The following TACR1 variants were observed in gnomAD, a reference collection of about 807,000 sequenced individuals.
The protein encoded by TACR1 is tachykinin receptor 1, also known as substance-P receptor.
TACR1 carries 25 observed loss-of-function variants against 35.8 expected under a neutral mutation model. That is an observed-to-expected ratio of 0.70 (90% confidence interval 0.51 to 0.98). TACR1 has a LOEUF of 0.98. Among genes scored for constraint, TACR1 ranks in the 50% least tolerant of loss-of-function variants. The probability of loss-of-function intolerance (pLI) is 0.00; values close to 1 mark genes in which losing one functional copy is unlikely to be tolerated. For missense variants in TACR1, 478 were observed against 522.9 expected (o/e 0.91, Z 0.84); for synonymous variants, 195 against 206.7 (o/e 0.94, Z 0.48).
chr2:75,144,277 G>C (rs1674463694), intron 1 of TACR1, among the ~76,000 whole-genome samples: 1 of 152,202 alleles, frequency 6.6e-6, no homozygotes, highest in African/African-American at 2.4e-5. Context: ...CTGAGATAAA[G>C]TGGACTTCAC....
At chr2:75,096,296 C>G (rs1673423440) in intron 2 of TACR1, among the ~76,000 whole-genome samples, 1 of 152,172 alleles carries the variant, frequency 6.6e-6, no homozygotes, top group Non-Finnish European at 1.5e-5. Context: ...AAGCAGGGCC[C>G]CTCTGCTCTC....
chr2:75,172,659 G>A (rs955087750), intron 1 of TACR1, among the ~76,000 whole-genome samples: 13 of 152,142 alleles, frequency 8.5e-5, no homozygotes, highest in African/African-American at 2.7e-4. Context: ...ATATTCTTCT[G>A]GTCACCTCAG....
chr2:75,180,275 A>G (rs1245361893), intron 1 of TACR1, among the ~76,000 whole-genome samples: 1 of 152,232 alleles, frequency 6.6e-6, no homozygotes, highest in Non-Finnish European at 1.5e-5. Context: ...ATGGAGAATA[A>G]GGGCTCTTAT....
chr2:75,160,364 CTTTG>C (rs1014499469), intron 1 of TACR1, among the ~76,000 whole-genome samples: 9 of 151,892 alleles, frequency 5.9e-5, no homozygotes, highest in East Asian at 1.9e-4. Context: ...ACAAATAAAT[CTTTG>C]TTTGATTTAT....
At chr2:75,105,466 A>T (rs1300279504) in intron 2 of TACR1, among the ~76,000 whole-genome samples, 1 of 152,064 alleles carries the variant, frequency 6.6e-6, no homozygotes, top group Non-Finnish European at 1.5e-5. Flanking sequence ...TAACATAATG[A>T]CTATAGTTAA....
intron 2 of TACR1, among the ~76,000 whole-genome samples, chr2:75,102,460 T>C (rs1673557970): frequency 6.6e-6 from 1 of 152,242 alleles, no homozygotes; most frequent in African/African-American, 2.4e-5. Flanking sequence ...GTAAATTTTT[T>C]TTTTCAGATC....
chr2:75,097,785 G>A (rs184654309), intron 2 of TACR1, among the ~76,000 whole-genome samples: 2 of 152,154 alleles, frequency 1.3e-5, no homozygotes, highest in African/African-American at 4.8e-5. Flanking sequence ...TCCTCCCTAG[G>A]GATCTGCATT....
At chr2:75,131,415 C>G (rs1674175764) in intron 1 of TACR1, among the ~76,000 whole-genome samples, 1 of 152,098 alleles carries the variant, frequency 6.6e-6, no homozygotes, top group Non-Finnish European at 1.5e-5. Flanking sequence ...TTAAAAAATT[C>G]AACTCATAGA....
chr2:75,097,596 CTG>C (rs1673449221), intron 2 of TACR1, among the ~76,000 whole-genome samples: 1 of 152,170 alleles, frequency 6.6e-6, no homozygotes, highest in African/African-American at 2.4e-5. Flanking sequence ...TCACAGAAGA[CTG>C]TGGGAGGCTA....
Position 75,198,593 on chromosome 2 carries a change from G to C in TACR1, c.342C>G (p.Ala114=), listed in dbSNP as rs755799710. ...TGGAGTAGATACTGGCGAAGACAGC[G>C]GCGATGGGAAAGAAGTTGTGGAACT... ...YCKFHNFFPI[A]AVFASIYSMT... Residue 114 remains alanine (A), a synonymous_variant, in exon 1 of 5, where the codon GCC becomes GCG. Transcript: ENST00000305249. 6.2e-7 allele frequency: 1 copy of C among 1,614,202 alleles called. No homozygotes were observed. The highest frequency in any genetic ancestry group is 1.7e-5 in the Admixed American group (1 of 60,026).
At chr2:75,181,465 T>C (rs556895638) in intron 1 of TACR1, among the ~76,000 whole-genome samples, 1 of 152,356 alleles carries the variant, frequency 6.6e-6, no homozygotes, top group East Asian at 1.9e-4. Flanking sequence ...TCTTTCCCCA[T>C]ATAAAATGAG....
chr2:75,141,046 G>A (rs13031966), intron 1 of TACR1, among the ~76,000 whole-genome samples: 1 of 151,924 alleles, frequency 6.6e-6, no homozygotes, highest in Non-Finnish European at 1.5e-5. Context: ...TTCCATAAAA[G>A]CTGGTGAGTC....
intron 1 of TACR1, among the ~76,000 whole-genome samples, chr2:75,166,683 G>C (rs1675150584): frequency 6.6e-6 from 1 of 152,206 alleles, no homozygotes; most frequent in South Asian, 2.1e-4. Flanking sequence ...GCAAGTGAGT[G>C]GGCTAGAGAT....
chr2:75,112,873 C>A (rs1330328633), intron 2 of TACR1, among the ~76,000 whole-genome samples: 1 of 152,090 alleles, frequency 6.6e-6, no homozygotes, highest in East Asian at 1.9e-4. Flanking sequence ...CATAACATTA[C>A]TGTTTCAATA....
chr2:75,134,931 T>A (rs1674249928), intron 1 of TACR1, among the ~76,000 whole-genome samples: 1 of 152,226 alleles, frequency 6.6e-6, no homozygotes, highest in Non-Finnish European at 1.5e-5. Context: ...AGGCCTCTGC[T>A]GGTGAAGTGC....
At chr2:75,097,237 GT>G (rs533080344) in intron 2 of TACR1, among the ~76,000 whole-genome samples, 2 of 151,776 alleles carry the variant, frequency 1.3e-5, no homozygotes, top group African/African-American at 2.4e-5. Context: ...ATAGCGAAGT[GT>G]TTTTTTTCAG....
chr2:75,101,293 A>G (rs1421107082), intron 2 of TACR1, among the ~76,000 whole-genome samples: 63 of 152,208 alleles, frequency 4.1e-4, no homozygotes, highest in Admixed American at 4.1e-3. Context: ...CATCTTTTTA[A>G]TAAGTCCTCT....
chr2:75,145,734 C>T (rs957807528), intron 1 of TACR1, among the ~76,000 whole-genome samples: 7 of 152,304 alleles, frequency 4.6e-5, no homozygotes, highest in African/African-American at 1.4e-4. Flanking sequence ...AGCAAAGAAG[C>T]ATTACATGCT....
At chr2:75,062,607 A>G (rs1446052436) in intron 2 of TACR1, among the ~76,000 whole-genome samples, 1 of 152,220 alleles carries the variant, frequency 6.6e-6, no homozygotes, top group East Asian at 1.9e-4. Flanking sequence ...TATTTAAGCG[A>G]TACTTTAATT....
Sources: gnomAD v4.1 joint callset for allele counts (sites outside exome capture counted in the v4.1 genomes callset) on GRCh38, gnomAD v4.1.1 for gene constraint, MANE v1.5 for transcripts, NCBI Gene and HGNC (gene_info 2026-07-23, HGNC 2026-07-21) for gene names.